Variants in NSMAF observed in about 807,000 individuals in gnomAD.
NSMAF encodes the protein protein FAN.
A neutral mutation model predicts 134.9 loss-of-function variants in NSMAF; 90 were observed. The ratio of observed to expected loss-of-function variants is 0.67; its 90% CI spans 0.56 to 0.79. NSMAF has a LOEUF of 0.79. Among genes scored for constraint, NSMAF ranks in the 30% least tolerant of loss-of-function variants. NSMAF has a pLI of 0.00. For synonymous variants in NSMAF, 358 were observed against 389.6 expected (o/e 0.92, Z 0.96); for missense variants, 1,010 against 1,119.0 (o/e 0.90, Z 1.39).
intron 14 of NSMAF, 47 bp from the exon 15 acceptor site, chr8:58,601,582 AAAT>A (rs771613520): frequency 1.7e-5 from 26 of 1,557,106 alleles, no homozygotes; most frequent in Non-Finnish European, 1.6e-5. Context: ...GTTGGCTATG[AAAT>A]AATAACTGAC....
chr8:58,645,437 C>T (rs955057538), intron 1 of NSMAF, among the ~76,000 whole-genome samples: 9 of 152,128 alleles, frequency 5.9e-5, no homozygotes, highest in Non-Finnish European at 1.2e-4. Context: ...GAGTCTGGTA[C>T]ATTAGTTTTG....
chr8:58,636,960 G>A (rs1807186639), intron 2 of NSMAF, among the ~76,000 whole-genome samples: 1 of 152,040 alleles, frequency 6.6e-6, no homozygotes, highest in Non-Finnish European at 1.5e-5. Flanking sequence ...TATTTATCAA[G>A]TGTTACAAAA....
rs990657901 is a variant in NSMAF, at chr8:58,595,487, G to A, written c.1892+73C>T. 4 of 1,062,012 alleles carry A rather than the reference G, an allele frequency of 3.8e-6. No homozygotes were observed. In the African/African-American group the frequency reaches 4.7e-5, roughly 12 times the overall value. 65.8% of individuals were successfully genotyped at this position (1,062,012 alleles called of 1,614,324 possible). ...TTTCCCTCTGACTCAGCTTAAAACA[G>A]TTTAATCCCATGCCAAGACCCTAAC... On this transcript the variant is annotated intron_variant, in intron 22 of 30. Coordinates refer to ENST00000038176, the MANE Select transcript of NSMAF (RefSeq NM_003580.4).
At position 58,607,769 on chromosome 8, in the gene NSMAF, C is replaced by T. The variant is rs754144917; in HGVS notation, c.759G>A (p.Leu253=). 6.2e-7 allele frequency: 1 copy of T among 1,613,014 alleles called. No individual in the cohort carries two copies. Among genetic ancestry groups the T allele is most frequent in the East Asian group, 2.2e-5 (1 of 44,878 alleles). Residue 253 remains leucine (L), a splice_region_variant and synonymous_variant, in exon 11 of 31, where the codon CTG becomes CTA. Transcript: ENST00000038176. ...CCAGCACAGCCTCCCAAGGACTCACCAGAGGCATGAGGCCGTGCCTCCTTT... is the reference window on the plus strand; with the variant it reads ...CCAGCACAGCCTCCCAAGGACTCACTAGAGGCATGAGGCCGTGCCTCCTTT... ...IYKRRHGLMP[L]GLEVFCTEDD...
chr8:58,592,230 G>GT (rs1806035893), intron 23 of NSMAF, among the ~76,000 whole-genome samples: 2 of 152,024 alleles, frequency 1.3e-5, no homozygotes, highest in East Asian at 3.9e-4. Flanking sequence ...CTATAAAGAT[G>GT]TTTTTCTCTC....
In NSMAF at chr8:58,585,987, G is replaced by A; in HGVS notation, c.2460C>T (p.Val820=). ...GACAGCCATCTGTTCCTGTGCTGAG[G>A]ACATGGCGACTATCTGCAACACAAG... ...DTAFSPDSRH[V]LSTGTDGCLN... Residue 820 remains valine, a synonymous_variant, in exon 29 of 31, where the codon GTC becomes GTT. Transcript: ENST00000038176. 1 of 1,613,524 alleles carries A rather than the reference G, an allele frequency of 6.2e-7. No homozygotes were observed. The highest frequency in any genetic ancestry group is 1.7e-5 in the Admixed American group (1 of 60,022).
rs138959726 is a variant in NSMAF, at chr8:58,621,148, G to A, written c.557+2072C>T. Among the ~76,000 whole-genome samples the A allele has an allele frequency of 5.4e-3, 820 of 152,046 alleles. 6 individuals are homozygous for A. Among genetic ancestry groups the A allele is most frequent in the African/African-American group, 0.017 (725 of 41,470 alleles). On this transcript the variant is annotated intron_variant, in intron 9 of 30. Transcript: ENST00000038176. The stretch of plus-strand genomic sequence containing the variant: ...CAGTGTCTATTGTTCCCTTCTTTGC[G>A]TCCATTTGTACTCAATGTTCAGTTC...
chr8:58,643,128 G>T, intron 1 of NSMAF, 55 bp from the exon 2 acceptor site: 1 of 1,277,826 alleles, frequency 7.8e-7, no homozygotes, highest in Non-Finnish European at 1.1e-6. Context: ...AGTATAAGAA[G>T]GCAATATATT....
chr8:58,599,393 T>C (rs1806221390), intron 18 of NSMAF, 30 bp from the exon 19 acceptor site: 1 of 1,608,038 alleles, frequency 6.2e-7, no homozygotes, highest in Non-Finnish European at 8.5e-7. Context: ...CGAAAAATCA[T>C]GGAGTCTTCA....
chr8:58,590,876 A>C lies in NSMAF; in HGVS notation c.2010T>G (p.Phe670Leu). 1 of 1,561,410 alleles carries C rather than the reference A, an allele frequency of 6.4e-7. No homozygotes were observed. Among genetic ancestry groups the C allele is most frequent in the Non-Finnish European group, 8.8e-7 (1 of 1,139,986 alleles). Residue 670 changes from phenylalanine (F) to leucine (L), a missense_variant, in exon 24 of 31, where the codon TTT becomes TTG. By Grantham distance (22) the Phe-to-Leu change is conservative. Coordinates refer to ENST00000038176, the MANE Select transcript of NSMAF (RefSeq NM_003580.4). Reference protein sequence around the residue: ...ESKMLQRSISFSNMALSSCLL... With the variant: ...ESKMLQRSISLSNMALSSCLL... ...ATTAAAATGAACTCACCATATTTGA[A>C]AATGATATACTTCTTTGTAGCATTT...
Position 58,599,301 on chromosome 8 carries a change from G to A in NSMAF, c.1516C>T (p.Leu506Phe), listed in dbSNP as rs746860312. The A allele has an allele frequency of 3.1e-6, 5 of 1,613,906 alleles. No individual in the cohort carries two copies. Among genetic ancestry groups the A allele is most frequent in the Middle Eastern group, 3.3e-4 (2 of 6,062 alleles). ...ALESNYVSEHLHEWIDLIFGY... is the reference protein window; with the variant it reads ...ALESNYVSEHFHEWIDLIFGY... ...AATATTAGATCAATCCACTCGTGAA[G>A]GTGTTCAGACACATAATTGCTTTCC... The change falls in exon 19 of 31, where the codon CTT becomes TTT. Residue 506 changes from leucine (L) to phenylalanine (F), a missense_variant. By Grantham distance (22) the Leu-to-Phe change is conservative. Coordinates refer to ENST00000038176, the MANE Select transcript of NSMAF (RefSeq NM_003580.4).
chr8:58,620,099 G>C (rs1806750295), intron 9 of NSMAF, among the ~76,000 whole-genome samples: 1 of 152,120 alleles, frequency 6.6e-6, no homozygotes, highest in Non-Finnish European at 1.5e-5. Flanking sequence ...TGCACAAAAT[G>C]TATACTTAAG....
At chr8:58,607,523 A>G (rs1029518724) in intron 11 of NSMAF, among the ~76,000 whole-genome samples, 7 of 152,250 alleles carry the variant, frequency 4.6e-5, no homozygotes, top group African/African-American at 1.4e-4. Flanking sequence ...ACTCAAGGGC[A>G]CTCTAGCCCT....
intron 30 of NSMAF, 43 bp from the exon 31 acceptor site, chr8:58,584,243 G>T: frequency 7.0e-7 from 1 of 1,420,020 alleles, no homozygotes; most frequent in Non-Finnish European, 9.9e-7. Flanking sequence ...TTGACCAGGA[G>T]GCACCCAAAG....
rs534496732 is a variant in NSMAF, at chr8:58,597,305, C to T, written c.1792+82G>A. On this transcript the variant is annotated intron_variant, in intron 21 of 30. Coordinates refer to ENST00000038176, the MANE Select transcript of NSMAF (RefSeq NM_003580.4). ...CATCTCTAAGTAGCACAACAGTATA[C>T]GTCTTATCTCCTCTTCAGAAACATT... The T allele has an allele frequency of 2.4e-4, 303 of 1,237,754 alleles. 4 individuals carry two copies. In the South Asian group the frequency reaches 2.7e-3, roughly 11 times the overall value. The allele number at this position is 1,237,754 out of a possible 1,614,324, so 76.7% of individuals were successfully genotyped here.
Position 58,607,917 on chromosome 8 carries a change from G to GA in NSMAF, c.688-78dup, listed in dbSNP as rs139778478. The GA allele has an allele frequency of 1.9e-3, 2,211 of 1,150,352 alleles. 5 individuals carry two copies. Among genetic ancestry groups the GA allele is most frequent in the African/African-American group, 4.7e-3 (299 of 64,178 alleles). 71.3% of individuals were successfully genotyped at this position (1,150,352 alleles called of 1,614,324 possible). On this transcript the variant is annotated intron_variant, in intron 10 of 30. Coordinates refer to ENST00000038176, the MANE Select transcript of NSMAF (RefSeq NM_003580.4). The stretch of plus-strand genomic sequence containing the variant: ...AGTTGTTCTATAGTATCAGAAAGGG[G>GA]AAAAAAAAATCACCAAATCTTGCTT...
chr8:58,639,998 T>C (rs1349636708), intron 2 of NSMAF: 1 of 444,474 alleles, frequency 2.2e-6, no homozygotes, highest in Non-Finnish European at 4.5e-6. Context: ...AGCTCAGAGC[T>C]TTGTTCAGGC....
intron 1 of NSMAF, among the ~76,000 whole-genome samples, chr8:58,643,815 G>A (rs913816979): frequency 2.0e-5 from 3 of 152,170 alleles, no homozygotes; most frequent in African/African-American, 7.2e-5. Flanking sequence ...ACAAGCATGA[G>A]CCACCGGCCC....
intron 9 of NSMAF, among the ~76,000 whole-genome samples, chr8:58,611,743 A>C (rs1027211344): frequency 2.6e-5 from 4 of 152,202 alleles, no homozygotes; most frequent in African/African-American, 9.6e-5. Flanking sequence ...AAACCAAAGG[A>C]GAAAAAAGAA....
Sources: allele counts gnomAD v4.1 joint callset (sites outside exome capture counted in the v4.1 genomes callset), GRCh38; gene constraint gnomAD v4.1.1; transcripts MANE v1.5; gene names NCBI Gene and HGNC (gene_info 2026-07-23, HGNC 2026-07-21).